Variants in CMSS1 observed in about 807,000 individuals in gnomAD.
The protein encoded by CMSS1 is cms1 ribosomal small subunit homolog.
A neutral mutation model predicts 43.5 loss-of-function variants in CMSS1; 33 were observed. That is an observed-to-expected ratio of 0.76 (90% confidence interval 0.57 to 1.01). The LOEUF is 1.01. Ranked by LOEUF, CMSS1 falls within the 50% of genes least tolerant of loss-of-function variation. CMSS1 has a pLI of 0.00. For synonymous variants in CMSS1, 115 were observed against 117.2 expected (o/e 0.98, Z 0.12); for missense variants, 313 against 326.4 (o/e 0.96, Z 0.32).
chr3:100,145,426 C>T (rs908238655), intron 1 of CMSS1, among the ~76,000 whole-genome samples: 46 of 150,668 alleles, frequency 3.1e-4, no homozygotes, highest in Admixed American at 1.3e-3. Flanking sequence ...CCAGCCTGGG[C>T]GACAGAGAGA....
chr3:99,986,977 C>T (rs923104811), intron 1 of CMSS1, among the ~76,000 whole-genome samples: 1 of 151,968 alleles, frequency 6.6e-6, no homozygotes, highest in Admixed American at 6.6e-5. Flanking sequence ...GCCTATAATC[C>T]TAGCCCTTTG....
At chr3:100,135,582 G>GATCCTCCT (rs894651955) in intron 1 of CMSS1, among the ~76,000 whole-genome samples, 3 of 151,680 alleles carry the variant, frequency 2.0e-5, no homozygotes, top group Non-Finnish European at 4.4e-5. Flanking sequence ...CAGCTCAAGT[G>GATCCTCCT]ATCCTCCTGC....
At chr3:100,074,532 A>G (rs182621785) in intron 1 of CMSS1, among the ~76,000 whole-genome samples, 35 of 152,142 alleles carry the variant, frequency 2.3e-4, no homozygotes, top group African/African-American at 8.4e-4. Flanking sequence ...TATAGCCAGT[A>G]TGTTTGGCAA....
intron 1 of CMSS1, among the ~76,000 whole-genome samples, chr3:100,055,356 G>T (rs980878982): frequency 2.0e-5 from 3 of 152,076 alleles, no homozygotes; most frequent in Non-Finnish European, 4.4e-5. Context: ...CCATCCAGGC[G>T]ATAGAAAATC....
chr3:100,139,380 G>A (rs1028483474), intron 1 of CMSS1, among the ~76,000 whole-genome samples: 4 of 151,002 alleles, frequency 2.6e-5, no homozygotes, highest in African/African-American at 7.3e-5. Context: ...TTTTTTAATT[G>A]ATTAAAAATC....
intron 1 of CMSS1, among the ~76,000 whole-genome samples, chr3:100,123,655 G>A (rs888826629): frequency 1.3e-5 from 2 of 152,288 alleles, no homozygotes; most frequent in East Asian, 3.9e-4. Flanking sequence ...TTCATGGACT[G>A]TAGGCAGCCT....
At chr3:100,093,453 C>CA (rs958514288) in intron 1 of CMSS1, among the ~76,000 whole-genome samples, 38 of 151,968 alleles carry the variant, frequency 2.5e-4, no homozygotes, top group Middle Eastern at 3.4e-3. Context: ...TACTTTTTTA[C>CA]AAAAAATATA....
At chr3:99,997,177 A>G (rs986571795) in intron 1 of CMSS1, among the ~76,000 whole-genome samples, 1 of 152,182 alleles carries the variant, frequency 6.6e-6, no homozygotes, top group African/African-American at 2.4e-5. Context: ...CAAAATGAAA[A>G]GTTGGTTCTT....
Position 99,943,698 on chromosome 3 carries a change from C to T in CMSS1, c.64+125655C>T, listed in dbSNP as rs180691243. Among the ~76,000 whole-genome samples the T allele has an allele frequency of 4.8e-3, 721 of 151,142 alleles. 5 individuals are homozygous for T. Among genetic ancestry groups the T allele is most frequent in the Non-Finnish European group, 7.3e-3 (492 of 67,852 alleles). ...CAGCCTGGGCAACAGAATGAGACTCCGTCTCAAAAAAAAAAAAATTACATC... is the reference window on the plus strand; with the variant it reads ...CAGCCTGGGCAACAGAATGAGACTCTGTCTCAAAAAAAAAAAAATTACATC... On this transcript the variant is annotated intron_variant, in intron 1 of 9. Coordinates refer to ENST00000421999, the MANE Select transcript of CMSS1 (RefSeq NM_032359.4).
At chr3:99,821,713 A>C (rs1488086013) in intron 1 of CMSS1, among the ~76,000 whole-genome samples, 1 of 152,190 alleles carries the variant, frequency 6.6e-6, no homozygotes, top group African/African-American at 2.4e-5. Context: ...AGAGAATGTC[A>C]ATCACAGCAT....
At chr3:99,927,571 G>T (rs371940957) in intron 1 of CMSS1, among the ~76,000 whole-genome samples, 21 of 152,054 alleles carry the variant, frequency 1.4e-4, no homozygotes, top group African/African-American at 5.1e-4. Context: ...CTTTCTTCAT[G>T]TTGGTCAGGC....
intron 1 of CMSS1, among the ~76,000 whole-genome samples, chr3:100,052,869 G>A (rs987071651): frequency 2.3e-4 from 35 of 152,008 alleles, no homozygotes; most frequent in African/African-American, 8.5e-4. Context: ...ATATCCTTAA[G>A]TGCCTTGTTA....
chr3:100,010,051 AT>A (rs1417008357), intron 1 of CMSS1: 2 of 250,702 alleles, frequency 8.0e-6, no homozygotes, highest in Non-Finnish European at 1.3e-5. Flanking sequence ...TATCTACCAT[AT>A]GTTTTACAGA....
chr3:99,983,440 A>ATG (rs1174472113), intron 1 of CMSS1, among the ~76,000 whole-genome samples: 4 of 37,928 alleles, frequency 1.1e-4, no homozygotes, highest in Admixed American at 4.0e-4. Flanking sequence ...ATGTATATAT[A>ATG]TGTATGTATA....
intron 1 of CMSS1, among the ~76,000 whole-genome samples, chr3:99,947,602 C>T (rs144702639): frequency 2.6e-5 from 4 of 152,268 alleles, no homozygotes; most frequent in East Asian, 3.9e-4. Flanking sequence ...AATATCTGTT[C>T]GTTGTTTTAA....
At chr3:99,874,284 A>G (rs1167718936) in intron 1 of CMSS1, 1 of 152,236 alleles carries the variant, frequency 6.6e-6, no homozygotes, top group East Asian at 1.9e-4. Context: ...TACTCTGGGT[A>G]TACCTGAAAC....
chr3:99,958,539 A>T (rs577252852), intron 1 of CMSS1, among the ~76,000 whole-genome samples: 69 of 152,264 alleles, frequency 4.5e-4, no homozygotes, highest in African/African-American at 1.6e-3. Context: ...TGTGCCACAG[A>T]AGGGTAGGAG....
At chr3:99,886,686 G>A (rs539457958) in intron 1 of CMSS1, among the ~76,000 whole-genome samples, 79 of 152,320 alleles carry the variant, frequency 5.2e-4, no homozygotes, top group African/African-American at 1.8e-3. Flanking sequence ...CAGCGTGGTG[G>A]CTCATGCCTG....
intron 1 of CMSS1, among the ~76,000 whole-genome samples, chr3:100,067,301 A>T (rs879292284): frequency 6.6e-6 from 1 of 152,200 alleles, no homozygotes; most frequent in Non-Finnish European, 1.5e-5. Context: ...CTTGGCATTT[A>T]TACAAGTTAT....
Sources: gnomAD v4.1 joint callset for allele counts (sites outside exome capture counted in the v4.1 genomes callset) on GRCh38, gnomAD v4.1.1 for gene constraint, MANE v1.5 for transcripts, NCBI Gene and HGNC (gene_info 2026-07-23, HGNC 2026-07-21) for gene names.